The following UBE2R2 variants were observed in gnomAD, a reference collection of about 807,000 sequenced individuals.
UBE2R2 encodes ubiquitin conjugating enzyme E2 R2, also known as ubiquitin-conjugating enzyme E2 R2.
In UBE2R2, 1 loss-of-function variant was observed where a neutral mutation model predicts 27.8. The observed-to-expected ratio is 0.04, with a 90% CI of 0.01 to 0.17. UBE2R2 has a LOEUF of 0.17. UBE2R2 is among the 10% of genes least tolerant of loss of function. The pLI is 1.00. For synonymous variants in UBE2R2, 106 were observed against 113.3 expected (o/e 0.94, Z 0.41); for missense variants, 100 against 291.0 (o/e 0.34, Z 4.78).
intron 4 of UBE2R2, among the ~76,000 whole-genome samples, chr9:33,913,027 C>T (rs1822528681): frequency 6.7e-6 from 1 of 150,188 alleles, no homozygotes; most frequent in Admixed American, 6.6e-5. Context: ...GTGGTGTGAT[C>T]TCGGCTCACT....
intron 3 of UBE2R2, among the ~76,000 whole-genome samples, chr9:33,907,986 A>C (rs925707900): frequency 2.0e-5 from 3 of 151,894 alleles, no homozygotes; most frequent in Non-Finnish European, 2.9e-5. Context: ...GTGCCACTAC[A>C]CCTGGCTAAT....
chr9:33,914,577 G>A (rs1358850192), intron 4 of UBE2R2, among the ~76,000 whole-genome samples: 1 of 152,138 alleles, frequency 6.6e-6, no homozygotes, highest in Non-Finnish European at 1.5e-5. Context: ...GCTCACACCT[G>A]TAATCCCAAC....
chr9:33,833,090 G>C (rs929269945), intron 1 of UBE2R2, among the ~76,000 whole-genome samples: 1 of 152,060 alleles, frequency 6.6e-6, no homozygotes, highest in Non-Finnish European at 1.5e-5. Flanking sequence ...TTTGAGAAAG[G>C]ATTTTGCTGT....
intron 1 of UBE2R2, among the ~76,000 whole-genome samples, chr9:33,860,170 G>T (rs931917608): frequency 6.6e-6 from 1 of 151,614 alleles, no homozygotes; most frequent in Admixed American, 6.6e-5. Context: ...TATGTAAAAG[G>T]AAGTTCTTTT....
intron 1 of UBE2R2, among the ~76,000 whole-genome samples, chr9:33,845,693 A>T (rs1414546227): frequency 2.0e-5 from 3 of 152,160 alleles, no homozygotes; most frequent in African/African-American, 7.2e-5. Flanking sequence ...AAGAAATTCT[A>T]CTGTGATAAG....
intron 3 of UBE2R2, 96 bp from the exon 4 acceptor site, chr9:33,911,868 G>T: frequency 8.3e-7 from 1 of 1,200,912 alleles, no homozygotes. Context: ...AAGGGAGGGA[G>T]AATTTGAAAT....
At chr9:33,899,729 C>T (rs981247236) in intron 2 of UBE2R2, among the ~76,000 whole-genome samples, 2 of 151,586 alleles carry the variant, frequency 1.3e-5, no homozygotes, top group African/African-American at 2.4e-5. Context: ...AAACTCCTGA[C>T]CTCAGGTGGT....
intron 1 of UBE2R2, among the ~76,000 whole-genome samples, chr9:33,865,765 T>C (rs1267599548): frequency 6.6e-6 from 1 of 152,094 alleles, no homozygotes; most frequent in Non-Finnish European, 1.5e-5. Flanking sequence ...TAGTGTAGTG[T>C]TTTGTTTTTT....
chr9:33,864,272 A>G (rs1201152495), intron 1 of UBE2R2, among the ~76,000 whole-genome samples: 1 of 152,200 alleles, frequency 6.6e-6, no homozygotes, highest in Non-Finnish European at 1.5e-5. Flanking sequence ...CAGACAGGCC[A>G]TGTAGCTTTG....
chr9:33,891,152 C>A (rs1046552539), intron 2 of UBE2R2, among the ~76,000 whole-genome samples: 2 of 151,168 alleles, frequency 1.3e-5, no homozygotes, highest in African/African-American at 4.9e-5. Context: ...CGGGTTCAAG[C>A]TATTCTCCTG....
chr9:33,821,974 T>C (rs544819538), intron 1 of UBE2R2, among the ~76,000 whole-genome samples: 2 of 152,126 alleles, frequency 1.3e-5, no homozygotes, highest in Admixed American at 6.6e-5. Context: ...TAATGAAATA[T>C]AGATGTGTTC....
At chr9:33,870,031 G>C (rs1821453425) in intron 1 of UBE2R2, among the ~76,000 whole-genome samples, 1 of 151,884 alleles carries the variant, frequency 6.6e-6, no homozygotes, top group African/African-American at 2.4e-5. Flanking sequence ...ATTTTTAGTA[G>C]AGACTAGGTT....
At chr9:33,839,069 G>A (rs555874161) in intron 1 of UBE2R2, among the ~76,000 whole-genome samples, 3 of 138,780 alleles carry the variant, frequency 2.2e-5, no homozygotes, top group Admixed American at 7.3e-5. Flanking sequence ...GCAACAGAGC[G>A]AGGCACTGTC....
chr9:33,911,518 C>T (rs192306177), intron 3 of UBE2R2, among the ~76,000 whole-genome samples: 1 of 151,018 alleles, frequency 6.6e-6, no homozygotes, highest in East Asian at 1.9e-4. Flanking sequence ...CTTTTTCCCC[C>T]ATGCCATTTA....
intron 1 of UBE2R2, among the ~76,000 whole-genome samples, chr9:33,827,418 A>G (rs66534021): frequency 0.068 from 10,321 of 152,264 alleles, 489 homozygotes; most frequent in Non-Finnish European, 0.099. Context: ...AAGCGGGCGA[A>G]TCACTTGAGA....
intron 1 of UBE2R2, among the ~76,000 whole-genome samples, chr9:33,862,354 G>T (rs1258558127): frequency 6.6e-6 from 1 of 151,960 alleles, no homozygotes; most frequent in African/African-American, 2.4e-5. Context: ...AACTTCTTTC[G>T]TTATGTTAGC....
At chr9:33,889,069 AC>A (rs1821924421) in intron 2 of UBE2R2, among the ~76,000 whole-genome samples, 1 of 152,230 alleles carries the variant, frequency 6.6e-6, no homozygotes, top group Non-Finnish European at 1.5e-5. Context: ...AATAGTGACT[AC>A]ACTGTTCTGT....
chr9:33,916,971 TAA>T (rs1341972149), intron 4 of UBE2R2, 45 bp from the exon 5 acceptor site: 2 of 1,601,674 alleles, frequency 1.2e-6, no homozygotes, highest in African/African-American at 2.7e-5. Flanking sequence ...AAATCTGTCT[TAA>T]AAAAAGACTT....
chr9:33,875,494 C>T (rs775180847), intron 1 of UBE2R2, among the ~76,000 whole-genome samples: 18 of 152,170 alleles, frequency 1.2e-4, no homozygotes, highest in Non-Finnish European at 2.6e-4. Context: ...GTAGTCCCAG[C>T]TACTCAGTAG....
Sources: allele counts gnomAD v4.1 joint callset (sites outside exome capture counted in the v4.1 genomes callset), GRCh38; gene constraint gnomAD v4.1.1; transcripts MANE v1.5; gene names NCBI Gene and HGNC (gene_info 2026-07-23, HGNC 2026-07-21).